GUCY1A2: variants seen among roughly 807,000 people sequenced by gnomAD.
GUCY1A2 encodes guanylate cyclase soluble subunit alpha-2.
Under a neutral mutation model 63.5 loss-of-function variants are expected in GUCY1A2, and 27 were observed. The ratio of observed to expected loss-of-function variants is 0.43; its 90% CI spans 0.31 to 0.59. The LOEUF (loss-of-function observed/expected upper bound fraction) is 0.59, where lower values mean the gene tolerates loss of function less well. Ranked by LOEUF, GUCY1A2 falls within the 20% of genes least tolerant of loss-of-function variation. GUCY1A2 has a pLI of 0.11. For missense variants in GUCY1A2, 768 were observed against 913.3 expected (o/e 0.84, Z 2.05); for synonymous variants, 364 against 343.5 (o/e 1.06, Z -0.66).
At chr11:107,005,795 AAG>A (rs1242152089) in intron 1 of GUCY1A2, among the ~76,000 whole-genome samples, 1 of 152,082 alleles carries the variant, frequency 6.6e-6, no homozygotes, top group African/African-American at 2.4e-5. Flanking sequence ...CATCTTTTAT[AAG>A]TATATTACCC....
chr11:106,808,349 G>A (rs1858719942), intron 5 of GUCY1A2, among the ~76,000 whole-genome samples: 1 of 151,880 alleles, frequency 6.6e-6, no homozygotes, highest in South Asian at 2.1e-4. Context: ...AACTGTCCAC[G>A]GTTTAATAAT....
chr11:106,849,068 A>T (rs1432104675), intron 4 of GUCY1A2, among the ~76,000 whole-genome samples: 1 of 151,510 alleles, frequency 6.6e-6, no homozygotes, highest in Non-Finnish European at 1.5e-5. Flanking sequence ...AATCTTTGCA[A>T]ACTATTTATC....
At chr11:106,759,169 A>G (rs1864022668) in intron 6 of GUCY1A2, among the ~76,000 whole-genome samples, 1 of 149,836 alleles carries the variant, frequency 6.7e-6, no homozygotes, top group Non-Finnish European at 1.5e-5. Flanking sequence ...AAATTATTGA[A>G]AAAAAAAAAA....
rs1357495394 is a variant in GUCY1A2 at position 106,680,936 on chromosome 11, T to C, written c.*6613A>G. On this transcript the variant is annotated 3_prime_UTR_variant, in exon 8 of 8. Coordinates refer to ENST00000526355, the MANE Select transcript of GUCY1A2 (RefSeq NM_000855.3). ...AAATCATAATCTGATGTTTAGATAC[T>C]GTTCAGTATAAACATAAATTTACTA... 4.9e-6 allele frequency: 1 copy of C among 203,382 alleles called. No homozygotes were observed. The highest frequency in any genetic ancestry group is 1.0e-5 in the Non-Finnish European group (1 of 99,158). The allele number at this position is 203,382 out of a possible 1,614,324, so 12.6% of individuals were successfully genotyped here. A position where few individuals can be genotyped will look rare whatever the true frequency, so the allele number is the denominator to read the frequency against.
At chr11:106,940,316 A>G in intron 3 of GUCY1A2, 138 bp from the exon 4 acceptor site, 1 of 550,038 alleles carries the variant, frequency 1.8e-6, no homozygotes, top group Non-Finnish European at 3.2e-6. Flanking sequence ...AAATTTCCAC[A>G]TAGGTTAATT....
intron 5 of GUCY1A2, among the ~76,000 whole-genome samples, chr11:106,809,335 C>A (rs1858734005): frequency 6.6e-6 from 1 of 152,040 alleles, no homozygotes; most frequent in Non-Finnish European, 1.5e-5. Context: ...AGATATGGAG[C>A]TAAATGACTC....
chr11:106,799,945 T>C (rs1020330600), intron 5 of GUCY1A2, among the ~76,000 whole-genome samples: 2 of 151,956 alleles, frequency 1.3e-5, no homozygotes, highest in African/African-American at 4.8e-5. Flanking sequence ...ACCATCAGAG[T>C]GAACAGGCAA....
At chr11:106,833,300 A>G (rs918231725) in intron 4 of GUCY1A2, among the ~76,000 whole-genome samples, 1 of 152,086 alleles carries the variant, frequency 6.6e-6, no homozygotes, top group African/African-American at 2.4e-5. Context: ...GGGGGTTAGG[A>G]CTTCAAAGTA....
chr11:106,853,434 C>G (rs1333641855), intron 4 of GUCY1A2, among the ~76,000 whole-genome samples: 2 of 151,844 alleles, frequency 1.3e-5, no homozygotes, highest in African/African-American at 2.4e-5. Flanking sequence ...TTGATCTAGT[C>G]TACTGTTGAA....
At chr11:106,847,194 C>T (rs558526992) in intron 4 of GUCY1A2, among the ~76,000 whole-genome samples, 20 of 147,602 alleles carry the variant, frequency 1.4e-4, no homozygotes, top group Non-Finnish European at 2.2e-4. Context: ...TGGCAGTACA[C>T]CAAGATACAC....
intron 5 of GUCY1A2, among the ~76,000 whole-genome samples, chr11:106,798,759 G>C (rs1274123884): frequency 1.3e-5 from 2 of 151,920 alleles, no homozygotes; most frequent in Non-Finnish European, 2.9e-5. Context: ...TTGATGGGAC[G>C]TATCTCAAAA....
At position 106,687,530 on chromosome 11, in the gene GUCY1A2, C is replaced by G. The variant is rs765566898; in HGVS notation, c.*19G>C. On this transcript the variant is annotated 3_prime_UTR_variant, in exon 8 of 8. Coordinates refer to ENST00000526355, the MANE Select transcript of GUCY1A2 (RefSeq NM_000855.3). ...CTGGGCTTGTGCTTTTTGGAGGAGT[C>G]TTTGATCTGTAGCAGGTCTCAGAGG... is the stretch of plus-strand genomic sequence containing the variant. The G allele has an allele frequency of 8.8e-6, 14 of 1,593,718 alleles. No individual in the cohort carries two copies. The highest frequency in any genetic ancestry group is 5.0e-5 in the Admixed American group (3 of 59,932).
At chr11:106,709,164 T>C in intron 6 of GUCY1A2, among the ~76,000 whole-genome samples, 1 of 129,572 alleles carries the variant, frequency 7.7e-6, no homozygotes, top group Non-Finnish European at 1.6e-5. Flanking sequence ...ATGTATATAA[T>C]ATATATAACT....
chr11:106,879,860 T>G (rs1404572044), intron 4 of GUCY1A2, among the ~76,000 whole-genome samples: 5 of 152,086 alleles, frequency 3.3e-5, no homozygotes, highest in Non-Finnish European at 1.5e-5. Context: ...GATACTGACC[T>G]CTCTATTGAG....
chr11:106,804,624 G>A (rs576835872), intron 5 of GUCY1A2, among the ~76,000 whole-genome samples: 3 of 152,312 alleles, frequency 2.0e-5, no homozygotes, highest in South Asian at 4.1e-4. Flanking sequence ...GAGGGCTTTA[G>A]TAGCTTCCTA....
intron 3 of GUCY1A2, among the ~76,000 whole-genome samples, chr11:106,964,823 CG>C (rs1205320755): frequency 4.6e-5 from 7 of 151,798 alleles, no homozygotes; most frequent in South Asian, 2.1e-4. Context: ...ACTAAAAATA[CG>C]AAAAAATTAG....
At chr11:106,818,299 A>C (rs554188976) in intron 4 of GUCY1A2, among the ~76,000 whole-genome samples, 1 of 152,108 alleles carries the variant, frequency 6.6e-6, no homozygotes, top group African/African-American at 2.4e-5. Context: ...TATTTTGGCA[A>C]TTCTCATAAT....
intron 6 of GUCY1A2, among the ~76,000 whole-genome samples, chr11:106,741,835 C>T (rs1863699796): frequency 6.6e-6 from 1 of 152,138 alleles, no homozygotes; most frequent in Non-Finnish European, 1.5e-5. Flanking sequence ...AATAAAATGT[C>T]AACAATCAAG....
chr11:106,697,256 C>G lies in GUCY1A2; in HGVS notation c.1992-9500G>C, dbSNP rs1862736302. ...TGACTAATGCATGAGAATCTTTGCA[C>G]TTTAATAAGAGCTGCAGAAAGGATT... On this transcript the variant is annotated intron_variant, in intron 7 of 7. Transcript: ENST00000526355. Among the ~76,000 whole-genome samples the G allele has an allele frequency of 2.6e-5, 4 of 152,160 alleles. No homozygotes were observed. The South Asian group carries it at 8.3e-4, about 32-fold the overall frequency.
Sources: allele counts gnomAD v4.1 joint callset (sites outside exome capture counted in the v4.1 genomes callset), GRCh38; gene constraint gnomAD v4.1.1; transcripts MANE v1.5; gene names NCBI Gene and HGNC (gene_info 2026-07-23, HGNC 2026-07-21).